Variants in FAM222B observed in about 807,000 individuals in gnomAD.
The protein encoded by FAM222B is family with sequence similarity 222 member B.
FAM222B carries 12 observed loss-of-function variants against 38.0 expected under a neutral mutation model. That is an observed-to-expected ratio of 0.32 (90% CI 0.20 to 0.51). The LOEUF is 0.51. Among genes scored for constraint, FAM222B ranks in the 20% least tolerant of loss-of-function variants. The pLI, the probability that FAM222B is intolerant of heterozygous loss-of-function variation, is 0.97. For missense variants in FAM222B, 716 were observed against 754.2 expected, an observed-to-expected ratio of 0.95 and a Z score of 0.59; for synonymous variants, 329 against 317.2, an observed-to-expected ratio of 1.04 and a Z score of -0.40.
rs761001992 is a variant in FAM222B at position 28,756,103 on chromosome 17, C to A, written c.*2167G>T. 5.9e-5 allele frequency: 9 copies of A among 152,560 alleles called. No homozygotes were observed. Among genetic ancestry groups the A allele is most frequent in the Middle Eastern group, 3.2e-3 (1 of 316 alleles). The allele number at this position is 152,560 out of a possible 1,614,324, so 9.5% of individuals were successfully genotyped here. A position where few individuals can be genotyped will look rare whatever the true frequency, so the allele number is the denominator to read the frequency against. On this transcript the variant is annotated 3_prime_UTR_variant, in exon 3 of 3. Coordinates refer to ENST00000581407, the MANE Select transcript of FAM222B (RefSeq NM_001077498.3). ...ACAGTATGTGGATAGAATGGGGAATCCAGGTATTCCCTAGGGTAGTGTAGG... is the reference window on the plus strand; with the variant it reads ...ACAGTATGTGGATAGAATGGGGAATACAGGTATTCCCTAGGGTAGTGTAGG...
At chr17:28,826,857 G>T (rs2038459384) in intron 1 of FAM222B, among the ~76,000 whole-genome samples, 2 of 152,104 alleles carry the variant, frequency 1.3e-5, no homozygotes, top group Non-Finnish European at 2.9e-5. Context: ...TTAAAAAGGT[G>T]AAAAAGGGCC....
At chr17:28,768,633 T>C (rs1567802340) in intron 1 of FAM222B, among the ~76,000 whole-genome samples, 1 of 151,968 alleles carries the variant, frequency 6.6e-6, no homozygotes, top group South Asian at 2.1e-4. Flanking sequence ...GGTCAGGAGT[T>C]CGAGAACAGC....
chr17:28,814,079 C>T (rs990319814), intron 1 of FAM222B, among the ~76,000 whole-genome samples: 2 of 151,438 alleles, frequency 1.3e-5, no homozygotes, highest in South Asian at 2.1e-4. Context: ...GGTAGCTAGG[C>T]GTGGTAACTC....
intron 1 of FAM222B, among the ~76,000 whole-genome samples, chr17:28,806,269 A>C (rs1167481968): frequency 6.6e-6 from 1 of 152,154 alleles, no homozygotes; most frequent in Non-Finnish European, 1.5e-5. Context: ...TCAGGAATGA[A>C]CTTTTGTTTT....
intron 1 of FAM222B, among the ~76,000 whole-genome samples, chr17:28,820,522 CTATAAA>C (rs2038172849): frequency 6.6e-6 from 1 of 152,082 alleles, no homozygotes; most frequent in Non-Finnish European, 1.5e-5. Flanking sequence ...GGCTGTGATG[CTATAAA>C]TATAGACACA....
chr17:28,813,838 G>A (rs895863956), intron 1 of FAM222B, among the ~76,000 whole-genome samples: 5 of 150,992 alleles, frequency 3.3e-5, no homozygotes, highest in Admixed American at 1.3e-4. Context: ...CAGCCACCGC[G>A]CCCGGCATGG....
intron 1 of FAM222B, chr17:28,812,045 C>CA (rs2037793633): frequency 6.6e-6 from 1 of 152,110 alleles, no homozygotes; most frequent in Admixed American, 6.6e-5. Flanking sequence ...TACCCATCTG[C>CA]AGGGGTGAGA....
Position 28,835,024 on chromosome 17 carries a change from TTGTGTGTGTGTGTG to T in FAM222B, c.-41+7644_-41+7657del, listed in dbSNP as rs61229770. Among the ~76,000 whole-genome samples, 93 of 132,110 alleles carry T rather than the reference TTGTGTGTGTGTGTG, an allele frequency of 7.0e-4. 1 individual carries two copies. The highest frequency in any genetic ancestry group is 2.3e-3 in the East Asian group (10 of 4,440). The allele number at this position is 132,110 out of a possible 152,430, so 86.7% of individuals were successfully genotyped here. On this transcript the variant is annotated intron_variant, in intron 1 of 2. Coordinates refer to ENST00000581407, the MANE Select transcript of FAM222B (RefSeq NM_001077498.3). ...CGCCCACCACTACACTCAGCTAATT[TTGTGTGTGTGTGTG>T]TGTGTGTGTGTGTGTGTGTGTGTGT...
rs1420425926 is a variant in FAM222B, at chr17:28,766,441, G to C, written c.82+145C>G. On this transcript the variant is annotated intron_variant, in intron 2 of 2. Coordinates refer to ENST00000581407, the MANE Select transcript of FAM222B (RefSeq NM_001077498.3). ...CATTGCACTCCAGCCTGGGTGACAA[G>C]AGCAAGACTTCGTCTTAAAAAAAAA... 23 of 659,490 alleles carry C rather than the reference G, an allele frequency of 3.5e-5. No individual in the cohort carries two copies. The East Asian group carries it at 5.6e-4, about 16-fold the overall frequency. 40.9% of individuals were successfully genotyped at this position (659,490 alleles called of 1,614,324 possible). A position where few individuals can be genotyped will look rare whatever the true frequency, so the allele number is the denominator to read the frequency against.
intron 1 of FAM222B, among the ~76,000 whole-genome samples, chr17:28,788,490 C>T (rs780453981): frequency 4.6e-5 from 7 of 152,030 alleles, no homozygotes; most frequent in East Asian, 1.9e-4. Flanking sequence ...CTGCCTGCCT[C>T]GGCCTCCCAA....
intron 1 of FAM222B, among the ~76,000 whole-genome samples, chr17:28,788,627 C>T (rs2036524409): frequency 6.6e-6 from 1 of 152,156 alleles, no homozygotes; most frequent in Non-Finnish European, 1.5e-5. Flanking sequence ...CCAAACAAGT[C>T]ATTTAAGTCA....
At chr17:28,840,704 CCCAGCA>C (rs1288474030) in intron 1 of FAM222B, among the ~76,000 whole-genome samples, 1 of 152,122 alleles carries the variant, frequency 6.6e-6, no homozygotes, top group Non-Finnish European at 1.5e-5. Context: ...CGCCTGTAAT[CCCAGCA>C]CTTTGGGAGG....
At chr17:28,814,292 C>A (rs1033130855) in intron 1 of FAM222B, among the ~76,000 whole-genome samples, 3 of 152,018 alleles carry the variant, frequency 2.0e-5, no homozygotes, top group African/African-American at 7.3e-5. Context: ...ATATCTACAT[C>A]ACACTCTACA....
At position 28,799,549 on chromosome 17, in the gene FAM222B, T is replaced by C. The variant is rs562703024; in HGVS notation, c.-40-32842A>G. ...TGGTCTCGATCTCCTGACCTCGTGA[T>C]CCGCCCACCTCGGCCTACCAAAGTG... On this transcript the variant is annotated intron_variant, in intron 1 of 2. Transcript: ENST00000581407. Among the ~76,000 whole-genome samples, 10 of 151,932 alleles carry C rather than the reference T, an allele frequency of 6.6e-5. No homozygotes were observed. In the East Asian group the frequency reaches 1.9e-3, roughly 29 times the overall value.
Position 28,758,553 on chromosome 17 carries a change from TGA to T in FAM222B, c.1404_1405del (p.Gln469GlyfsTer93). Reference sequence around the variant, plus strand: ...ACCGTGGAACGGCATGGCAAGGTCCTGAGACCCCGAGCTGTCGCTATTGGGAG... The same window carrying T: ...ACCGTGGAACGGCATGGCAAGGTCCTGACCCCGAGCTGTCGCTATTGGGAG... On this transcript the variant is annotated frameshift_variant, in exon 3 of 3. Coordinates refer to ENST00000581407, the MANE Select transcript of FAM222B (RefSeq NM_001077498.3). LOFTEE classifies it high-confidence loss of function. The T allele has an allele frequency of 6.2e-7, 1 of 1,610,064 alleles. No individual in the cohort carries two copies. Among genetic ancestry groups the T allele is most frequent in the Non-Finnish European group, 8.5e-7 (1 of 1,179,836 alleles).
chr17:28,829,204 A>C (rs1598034980), intron 1 of FAM222B, among the ~76,000 whole-genome samples: 9 of 113,442 alleles, frequency 7.9e-5, no homozygotes, highest in Admixed American at 9.4e-5. Flanking sequence ...ACGCTTGGCC[A>C]CCCTCTCTCT....
upstream of FAM222B, among the ~76,000 whole-genome samples, chr17:28,847,115 C>G (rs1818355244): frequency 6.6e-6 from 1 of 151,026 alleles, no homozygotes; most frequent in Non-Finnish European, 1.5e-5. Context: ...CCCAGCTACT[C>G]GGGAGGCTGA....
At chr17:28,854,970 C>T in exon 1 of FAM222B, 5 of 1,500,882 alleles carry the variant, frequency 3.3e-6, no homozygotes, top group Non-Finnish European at 4.4e-6. Flanking sequence ...CTCGCTGGTT[C>T]GTCAGCCGCT....
chr17:28,822,864 T>TATACAC (rs890920362), intron 1 of FAM222B, among the ~76,000 whole-genome samples: 1 of 79,976 alleles, frequency 1.3e-5, no homozygotes, highest in African/African-American at 5.2e-5. Context: ...TATATATATA[T>TATACAC]ACACACATAT....
Sources: allele counts gnomAD v4.1 joint callset (sites outside exome capture counted in the v4.1 genomes callset), GRCh38; gene constraint gnomAD v4.1.1; transcripts MANE v1.5; gene names NCBI Gene and HGNC (gene_info 2026-07-23, HGNC 2026-07-21).